The following ARPC2 variants were observed in gnomAD, a reference collection of about 807,000 sequenced individuals.
ARPC2 encodes the protein actin-related protein 2/3 complex subunit 2.
ARPC2 carries 4 observed loss-of-function variants against 38.6 expected under a neutral mutation model. The observed-to-expected ratio is 0.10, with a 90% CI of 0.05 to 0.24. The LOEUF is 0.24. ARPC2 is among the 10% of genes least tolerant of loss of function. The pLI is 1.00. For missense variants in ARPC2, 229 were observed against 387.3 expected (o/e 0.59, Z 3.43); for synonymous variants, 125 against 140.8 (o/e 0.89, Z 0.79).
chr2:218,217,643 G>A (rs950641969), intron 2 of ARPC2, 99 bp downstream of exon 2: 52 of 1,291,446 alleles, frequency 4.0e-5, no homozygotes, highest in Non-Finnish European at 5.2e-5. Flanking sequence ...GGAGAGAAAT[G>A]GGGTGCCTGG....
intron 2 of ARPC2, among the ~76,000 whole-genome samples, chr2:218,222,055 G>A (rs1188700683): frequency 6.6e-6 from 1 of 152,184 alleles, no homozygotes; most frequent in African/African-American, 2.4e-5. Flanking sequence ...ATCACTTGAG[G>A]TCAGGAGTTT....
At chr2:218,231,144 A>G (rs992824399) in intron 4 of ARPC2, among the ~76,000 whole-genome samples, 19 of 152,174 alleles carry the variant, frequency 1.2e-4, no homozygotes, top group Non-Finnish European at 2.6e-4. Context: ...GTCACAGGCC[A>G]TTTTTAAAGG....
intron 8 of ARPC2, among the ~76,000 whole-genome samples, chr2:218,249,152 G>A (rs897584932): frequency 2.0e-5 from 3 of 152,110 alleles, no homozygotes; most frequent in African/African-American, 4.8e-5. Context: ...GTTTTTCATC[G>A]TGGGCTCCTC....
rs1284448677 is a variant in ARPC2 at position 218,239,636 on chromosome 2, C to T, written c.549+152C>T. On this transcript the variant is annotated intron_variant, in intron 7 of 10. Transcript: ENST00000315717. ...GAGACGGAGTTTCTCTCTTGTTGCCCAGGCTGGAGTGCAATGGAGTGATCT... is the reference window on the plus strand; with the variant it reads ...GAGACGGAGTTTCTCTCTTGTTGCCTAGGCTGGAGTGCAATGGAGTGATCT... The T allele has an allele frequency of 3.5e-5, 22 of 628,056 alleles. No homozygotes were observed. The South Asian group carries it at 4.3e-4, about 12-fold the overall frequency. The allele number at this position is 628,056 out of a possible 1,614,324, so 38.9% of individuals were successfully genotyped here.
chr2:218,217,340 C>A, intron 1 of ARPC2, 86 bp downstream of exon 1: 1 of 774,028 alleles, frequency 1.3e-6, no homozygotes, highest in Non-Finnish European at 2.2e-6. Context: ...CGGCCCCTCT[C>A]CCCTTCTCCC....
intron 4 of ARPC2, among the ~76,000 whole-genome samples, chr2:218,231,716 A>G (rs970174467): frequency 6.6e-6 from 1 of 152,224 alleles, no homozygotes; most frequent in African/African-American, 2.4e-5. Context: ...GGCATTATTT[A>G]TCTTTTGCCC....
intron 2 of ARPC2, among the ~76,000 whole-genome samples, chr2:218,220,017 C>G (rs909208361): frequency 6.6e-5 from 10 of 152,076 alleles, no homozygotes; most frequent in African/African-American, 2.4e-5. Flanking sequence ...GTGTGGTTAT[C>G]ATAAACATGT....
At chr2:218,230,415 C>T (rs550051847) in intron 4 of ARPC2, among the ~76,000 whole-genome samples, 62 of 149,440 alleles carry the variant, frequency 4.1e-4, no homozygotes, top group African/African-American at 1.5e-3. Flanking sequence ...CCTCAGCCTC[C>T]TGAGTGTCTG....
In ARPC2 at chr2:218,239,890, C is replaced by G. The variant is rs148211614; in HGVS notation, c.549+406C>G. ...ACAGGCATGAGCCACCATGCCCAGC[C>G]TTGACGTTAGAATTTGTTGAAGATT... On this transcript the variant is annotated intron_variant, in intron 7 of 10. Transcript: ENST00000315717. Among the ~76,000 whole-genome samples the G allele has an allele frequency of 3.6e-3, 544 of 151,802 alleles. 5 individuals carry two copies. Among genetic ancestry groups the G allele is most frequent in the African/African-American group, 0.012 (510 of 41,364 alleles).
chr2:218,230,137 A>AT (rs1355016155), intron 4 of ARPC2, among the ~76,000 whole-genome samples: 2 of 151,802 alleles, frequency 1.3e-5, no homozygotes, highest in African/African-American at 4.8e-5. Context: ...CACCTGGCTA[A>AT]TTTTTTGTAC....
chr2:218,232,453 C>G (rs139705764), intron 4 of ARPC2, among the ~76,000 whole-genome samples: 1 of 151,978 alleles, frequency 6.6e-6, no homozygotes, highest in South Asian at 2.1e-4. Context: ...CTGGGAAGTC[C>G]AAGAGCGTGG....
chr2:218,235,003 C>G, intron 5 of ARPC2: 1 of 369,016 alleles, frequency 2.7e-6, no homozygotes, highest in South Asian at 2.0e-5. Context: ...TGGCATGTCT[C>G]AAATTCTGAG....
chr2:218,218,052 A>G (rs775113948), intron 2 of ARPC2, among the ~76,000 whole-genome samples: 5 of 152,186 alleles, frequency 3.3e-5, no homozygotes, highest in Non-Finnish European at 7.3e-5. Context: ...GGAGCAGAAG[A>G]GAAGACTAAA....
chr2:218,250,982 C>T (rs1248554060), intron 10 of ARPC2, among the ~76,000 whole-genome samples: 1 of 151,760 alleles, frequency 6.6e-6, no homozygotes, highest in Non-Finnish European at 1.5e-5. Context: ...ACTGCAGGTG[C>T]ACACCACCAC....
intron 5 of ARPC2, among the ~76,000 whole-genome samples, chr2:218,237,269 A>T (rs137942993): frequency 6.6e-6 from 1 of 151,880 alleles, no homozygotes; most frequent in African/African-American, 2.4e-5. Flanking sequence ...GCGCGATCTC[A>T]GCTCATTACA....
Position 218,249,425 on chromosome 2 carries a change from G to T in ARPC2, c.738G>T (p.Thr246=), listed in dbSNP as rs748832042. The change falls in exon 9 of 11, where the codon ACG becomes ACT. Residue 246 remains threonine (T), a synonymous_variant. Coordinates refer to ENST00000315717, the MANE Select transcript of ARPC2 (RefSeq NM_152862.3). ...ARDNTINLIH[T]FRDYLHYHIK... ...ACAACACCATCAACCTGATCCACAC[G>T]TTCCGGGACTACCTGCACTACCACA... is the stretch of plus-strand genomic sequence containing the variant. 6 of 1,613,358 alleles carry T rather than the reference G, an allele frequency of 3.7e-6. No individual in the cohort carries two copies. The highest frequency in any genetic ancestry group is 1.7e-5 in the Admixed American group (1 of 59,844).
chr2:218,228,135 T>C (rs985215127), intron 3 of ARPC2, among the ~76,000 whole-genome samples: 1 of 152,034 alleles, frequency 6.6e-6, no homozygotes, highest in Non-Finnish European at 1.5e-5. Context: ...CTGGGCAAGG[T>C]GGTTCACGCC....
chr2:218,230,744 A>G (rs1294795924), intron 4 of ARPC2, among the ~76,000 whole-genome samples: 3 of 152,092 alleles, frequency 2.0e-5, no homozygotes, highest in Non-Finnish European at 2.9e-5. Flanking sequence ...TGTAGTGCCA[A>G]CTGTGTGTTG....
chr2:218,233,692 C>G (rs1689698422), intron 4 of ARPC2: 1 of 151,414 alleles, frequency 6.6e-6, no homozygotes, highest in South Asian at 2.1e-4. Context: ...CTTTATTCAC[C>G]TGGGTTAGTG....
Sources: gnomAD v4.1 joint callset for allele counts (sites outside exome capture counted in the v4.1 genomes callset) on GRCh38, gnomAD v4.1.1 for gene constraint, MANE v1.5 for transcripts, NCBI Gene and HGNC (gene_info 2026-07-23, HGNC 2026-07-21) for gene names.